ADAM23: variants seen among roughly 807,000 people sequenced by gnomAD.
ADAM23 encodes ADAM metallopeptidase domain 23.
A neutral mutation model predicts 120.1 loss-of-function variants in ADAM23; 33 were observed. The observed-to-expected ratio is 0.27, with a 90% CI of 0.21 to 0.37. ADAM23 has a LOEUF of 0.37. Among genes scored for constraint, ADAM23 ranks in the 10% least tolerant of loss-of-function variants. ADAM23 has a pLI of 1.00. For synonymous variants in ADAM23, 367 were observed against 375.2 expected (o/e 0.98, Z 0.25); for missense variants, 862 against 1,058.2 (o/e 0.81, Z 2.57).
At chr2:206,476,815 C>T (rs1236143695) in intron 2 of ADAM23, among the ~76,000 whole-genome samples, 2 of 152,022 alleles carry the variant, frequency 1.3e-5, no homozygotes, top group Non-Finnish European at 2.9e-5. Context: ...AGAAATTCAG[C>T]CTTATGATAT....
chr2:206,588,038 T>A, intron 19 of ADAM23, 53 bp from the exon 20 acceptor site: 1 of 1,584,578 alleles, frequency 6.3e-7, no homozygotes, highest in Non-Finnish European at 8.7e-7. Flanking sequence ...AGTAAAAACA[T>A]TGGGGAAGAC....
chr2:206,583,753 T>C (rs888618529), intron 18 of ADAM23, among the ~76,000 whole-genome samples: 3 of 152,186 alleles, frequency 2.0e-5, no homozygotes, highest in African/African-American at 7.2e-5. Context: ...TGAATATTTC[T>C]CCCTTCTTCC....
At chr2:206,529,586 TG>T (rs1179099092) in intron 3 of ADAM23, among the ~76,000 whole-genome samples, 1 of 151,900 alleles carries the variant, frequency 6.6e-6, no homozygotes, top group Non-Finnish European at 1.5e-5. Context: ...ATTTTGGAAA[TG>T]GGGGTCTTGC....
chr2:206,474,025 C>CCA (rs1695721888), intron 2 of ADAM23, among the ~76,000 whole-genome samples: 1 of 128,266 alleles, frequency 7.8e-6, no homozygotes, highest in African/African-American at 2.8e-5. Flanking sequence ...AAAAAAAAAA[C>CCA]AAAAAAAAAA....
In ADAM23 at chr2:206,443,794, C is replaced by G; in HGVS notation, c.-73C>G. 1.1e-6 allele frequency: 1 copy of G among 893,256 alleles called. No homozygotes were observed. The highest frequency in any genetic ancestry group is 1.3e-6 in the Non-Finnish European group (1 of 741,460). The allele number at this position is 893,256 out of a possible 1,614,324, so 55.3% of individuals were successfully genotyped here. A position where few individuals can be genotyped will look rare whatever the true frequency, so the allele number is the denominator to read the frequency against. On this transcript the variant is annotated 5_prime_UTR_variant, in exon 1 of 26. Transcript: ENST00000264377. ...CGCGCCGAGCCGGCGTGACCGGCTC[C>G]GCCCGCGGCCGCCCCGCAGCTAGCC...
chr2:206,516,569 T>C (rs1200048241), intron 3 of ADAM23, among the ~76,000 whole-genome samples: 2 of 151,358 alleles, frequency 1.3e-5, no homozygotes, highest in African/African-American at 4.8e-5. Context: ...CTTCATATGG[T>C]AGAGAGAGAG....
chr2:206,591,315 T>C (rs553149020), intron 21 of ADAM23, among the ~76,000 whole-genome samples: 1 of 152,348 alleles, frequency 6.6e-6, no homozygotes, highest in African/African-American at 2.4e-5. Context: ...ATAGTGCAGA[T>C]ACCTTCATCC....
In ADAM23 at chr2:206,530,770, T is replaced by C. The variant is rs543469341; in HGVS notation, c.510-115T>C. On this transcript the variant is annotated intron_variant, in intron 3 of 25. Transcript: ENST00000264377. ...CCTGTTTTTGTTTCTGTACTAACCA[T>C]GGACTGCAGCTATTTCTGGTTTGCA... The C allele has an allele frequency of 1.7e-5, 9 of 529,220 alleles. No individual in the cohort carries two copies. In the East Asian group the frequency reaches 3.7e-4, roughly 22 times the overall value. The allele number at this position is 529,220 out of a possible 1,614,324, so 32.8% of individuals were successfully genotyped here.
At chr2:206,594,646 C>T (rs1698486454) in intron 22 of ADAM23, 91 bp from the exon 23 acceptor site, 1 of 1,430,536 alleles carries the variant, frequency 7.0e-7, no homozygotes, top group Non-Finnish European at 9.6e-7. Context: ...CCACTGACAG[C>T]CTCTTCGGTT....
intron 24 of ADAM23, among the ~76,000 whole-genome samples, chr2:206,601,934 ATATTAT>A (rs1559285108): frequency 1.3e-5 from 2 of 152,184 alleles, no homozygotes; most frequent in African/African-American, 4.8e-5. Context: ...AGGAAGTATT[ATATTAT>A]TATCATTTAG....
At chr2:206,523,749 T>C (rs559196169) in intron 3 of ADAM23, among the ~76,000 whole-genome samples, 4 of 152,314 alleles carry the variant, frequency 2.6e-5, no homozygotes, top group Admixed American at 1.3e-4. Flanking sequence ...AGCTTATGTT[T>C]ATATGAATGT....
At chr2:206,472,922 A>G (rs1559222812) in intron 2 of ADAM23, among the ~76,000 whole-genome samples, 1 of 152,124 alleles carries the variant, frequency 6.6e-6, no homozygotes, top group Non-Finnish European at 1.5e-5. Context: ...GGGTTGTGAG[A>G]AGAGTGTGCT....
chr2:206,549,637 T>C (rs1376699898), intron 8 of ADAM23, among the ~76,000 whole-genome samples: 3 of 152,036 alleles, frequency 2.0e-5, no homozygotes, highest in Non-Finnish European at 4.4e-5. Flanking sequence ...TACATTGATA[T>C]CTGTATCAGA....
chr2:206,583,123 C>T (rs1574548191), intron 18 of ADAM23, among the ~76,000 whole-genome samples: 1 of 152,122 alleles, frequency 6.6e-6, no homozygotes, highest in South Asian at 2.1e-4. Flanking sequence ...AAGTTTGCCT[C>T]GATTATTCCC....
At chr2:206,507,586 T>G (rs1267359063) in intron 3 of ADAM23, among the ~76,000 whole-genome samples, 1 of 152,212 alleles carries the variant, frequency 6.6e-6, no homozygotes, top group Non-Finnish European at 1.5e-5. Context: ...CTTTATAAAT[T>G]ACTCAGGCTC....
chr2:206,589,624 T>C, intron 21 of ADAM23, 110 bp downstream of exon 21: 1 of 791,712 alleles, frequency 1.3e-6, no homozygotes, highest in Non-Finnish European at 1.9e-6. Flanking sequence ...GTGTTCACCA[T>C]TCCAAAATTT....
intron 3 of ADAM23, among the ~76,000 whole-genome samples, chr2:206,491,054 C>T (rs1315555510): frequency 6.6e-6 from 1 of 152,112 alleles, no homozygotes; most frequent in African/African-American, 2.4e-5. Context: ...AAATCACAAC[C>T]AAACCATTGA....
At chr2:206,522,828 C>T (rs1165333599) in intron 3 of ADAM23, among the ~76,000 whole-genome samples, 1 of 148,642 alleles carries the variant, frequency 6.7e-6, no homozygotes, top group East Asian at 2.0e-4. Context: ...GGTTTTATGA[C>T]ATACGGGGGT....
intron 2 of ADAM23, among the ~76,000 whole-genome samples, chr2:206,479,282 G>A (rs934982264): frequency 6.6e-6 from 1 of 152,122 alleles, no homozygotes; most frequent in African/African-American, 2.4e-5. Flanking sequence ...GTCAGTGTTT[G>A]TACTTGTCAC....
Sources: gnomAD v4.1 joint callset for allele counts (sites outside exome capture counted in the v4.1 genomes callset) on GRCh38, gnomAD v4.1.1 for gene constraint, MANE v1.5 for transcripts, NCBI Gene and HGNC (gene_info 2026-07-23, HGNC 2026-07-21) for gene names.